Variants in GFI1B observed in about 807,000 individuals in gnomAD.
The protein encoded by GFI1B is zinc finger protein Gfi-1b.
In GFI1B, 20 loss-of-function variants were observed where a neutral mutation model predicts 35.3. The ratio of observed to expected loss-of-function variants is 0.57; its 90% confidence interval spans 0.40 to 0.82. GFI1B has a LOEUF of 0.82. Ranked by LOEUF, GFI1B falls within the 40% of genes least tolerant of loss-of-function variation. The pLI is 0.00. For synonymous variants in GFI1B, 178 were observed against 177.6 expected, an observed-to-expected ratio of 1.00 and a Z score of -0.02; for missense variants, 430 against 446.3, an observed-to-expected ratio of 0.96 and a Z score of 0.33.
upstream of GFI1B, among the ~76,000 whole-genome samples, chr9:132,973,796 T>C (rs1378863456): frequency 1.3e-5 from 2 of 152,310 alleles, no homozygotes; most frequent in East Asian, 3.9e-4. Flanking sequence ...TCTGGCCTTA[T>C]TCTGTTTAAT....
chr9:132,947,829 A>C (rs1011201798), intron 1 of GFI1B, among the ~76,000 whole-genome samples: 15 of 150,148 alleles, frequency 1.0e-4, no homozygotes, highest in Admixed American at 6.6e-4. Context: ...AAAAAAAAAA[A>C]ACTAAACTAA....
At chr9:132,982,747 C>T (rs1008273090) in intron 1 of GFI1B, among the ~76,000 whole-genome samples, 35 of 151,928 alleles carry the variant, frequency 2.3e-4, no homozygotes, top group African/African-American at 7.0e-4. Context: ...GGAAGTTCAC[C>T]GGGTGCATTT....
chr9:132,986,920 T>A, intron 2 of GFI1B, 142 bp downstream of exon 2: 1 of 664,364 alleles, frequency 1.5e-6, no homozygotes, highest in South Asian at 1.7e-5. Context: ...GGGTTGCAGA[T>A]GAAAGGAGTA....
At chr9:132,967,354 G>T (rs1223854150) in intron 1 of GFI1B, among the ~76,000 whole-genome samples, 1 of 152,194 alleles carries the variant, frequency 6.6e-6, no homozygotes, top group Non-Finnish European at 1.5e-5. Flanking sequence ...ATGGCACCAT[G>T]ACAAAACAAT....
chr9:132,982,049 G>A (rs907001119), intron 1 of GFI1B, among the ~76,000 whole-genome samples: 6 of 152,130 alleles, frequency 3.9e-5, no homozygotes, highest in African/African-American at 9.7e-5. Context: ...CACCACGCCC[G>A]GCCTCCCTTG....
chr9:132,988,958 ACCCAGCC>A, intron 4 of GFI1B, 96 bp from the exon 5 acceptor site: 8 of 1,136,168 alleles, frequency 7.0e-6, no homozygotes, highest in African/African-American at 1.5e-5. Context: ...TACTCTGTGT[ACCCAGCC>A]TTGGCCAGAG....
intron 1 of GFI1B, chr9:132,947,337 C>A (rs1848129689): frequency 6.7e-6 from 1 of 148,610 alleles, no homozygotes; most frequent in Non-Finnish European, 1.5e-5. Flanking sequence ...CAGGCCTGGC[C>A]AATCTGAGAT....
chr9:132,989,920 C>A lies in GFI1B; in HGVS notation c.814+13C>A. 1 of 1,612,728 alleles carries A rather than the reference C, an allele frequency of 6.2e-7. No homozygotes were observed. Among genetic ancestry groups the A allele is most frequent in the East Asian group, 2.2e-5 (1 of 44,892 alleles). On this transcript the variant is annotated intron_variant, in intron 6 of 6. Coordinates refer to ENST00000372122, the MANE Select transcript of GFI1B (RefSeq NM_001377304.1). This position sits in a 1 kb window ranked among gnomAD's most constrained non-coding sequence, Gnocchi z 6.2. ...TACATCCACACAGGTGAGTGAGTCTCACCTGCCTGTGCCCCCTGGGCAGAG... is the reference window on the plus strand; with the variant it reads ...TACATCCACACAGGTGAGTGAGTCTAACCTGCCTGTGCCCCCTGGGCAGAG...
chr9:132,983,194 T>C (rs1054089113), intron 1 of GFI1B, among the ~76,000 whole-genome samples: 2 of 142,408 alleles, frequency 1.4e-5, no homozygotes, highest in African/African-American at 5.2e-5. Context: ...TCCCTCCTTT[T>C]TTTTTTTTTT....
At chr9:132,966,343 A>C (rs1163028967) in intron 1 of GFI1B, among the ~76,000 whole-genome samples, 1 of 152,034 alleles carries the variant, frequency 6.6e-6, no homozygotes, top group South Asian at 2.1e-4. Context: ...TAGGCAACAA[A>C]GTGAGATCCT....
chr9:132,948,482 G>A (rs999356527), intron 1 of GFI1B, among the ~76,000 whole-genome samples: 1 of 152,238 alleles, frequency 6.6e-6, no homozygotes, highest in Non-Finnish European at 1.5e-5. Context: ...CCTTCTGGAT[G>A]TGGTGGGATT....
chr9:132,949,226 T>G lies in GFI1B; in HGVS notation c.-701+3557T>G, dbSNP rs549869932. Among the ~76,000 whole-genome samples the G allele has an allele frequency of 2.6e-5, 4 of 150,966 alleles. No homozygotes were observed. The South Asian group carries it at 8.4e-4, about 32-fold the overall frequency. ...CAGCCCCTTCTTAGAGAATCTATCT[T>G]CAGCCCAGGCTACTCACTGTGAATC... On this transcript the variant is annotated intron_variant, in intron 1 of 10. Coordinates refer to the GFI1B transcript ENST00000339463.
chr9:132,970,442 C>A (rs756568167), intron 1 of GFI1B, among the ~76,000 whole-genome samples: 3 of 152,026 alleles, frequency 2.0e-5, no homozygotes, highest in Non-Finnish European at 4.4e-5. Context: ...CGCACGCATG[C>A]ACGCACGCAC....
intron 1 of GFI1B, among the ~76,000 whole-genome samples, chr9:132,984,449 C>T (rs750070597): frequency 1.3e-5 from 2 of 152,150 alleles, no homozygotes; most frequent in Non-Finnish European, 2.9e-5. Flanking sequence ...GGAAGGGACC[C>T]CAGAGGCCTT....
chr9:132,962,512 T>C (rs1848382819), intron 1 of GFI1B: 1 of 508,642 alleles, frequency 2.0e-6, no homozygotes, highest in African/African-American at 2.0e-5. Context: ...CTTCTCGCCA[T>C]GTCTTCTCAC....
chr9:132,962,511 A>G, intron 1 of GFI1B: 1 of 507,368 alleles, frequency 2.0e-6, no homozygotes, highest in East Asian at 5.8e-5. Context: ...GCTTCTCGCC[A>G]TGTCTTCTCA....
At chr9:132,951,904 A>T (rs1848208930) in intron 1 of GFI1B, 2 of 151,754 alleles carry the variant, frequency 1.3e-5, no homozygotes, top group Non-Finnish European at 2.9e-5. Context: ...AGTAGCTGGG[A>T]CTCCAGGCAC....
chr9:132,962,754 G>A (rs1848386465), intron 1 of GFI1B: 2 of 363,224 alleles, frequency 5.5e-6, no homozygotes, highest in Non-Finnish European at 1.1e-5. Flanking sequence ...ACCATATCTG[G>A]ACAGTTTGAC....
rs746486142 is a variant in GFI1B at position 132,988,258 on chromosome 9, A to T, written c.300A>T (p.Pro100=). The T allele has an allele frequency of 6.2e-7, 1 of 1,613,804 alleles. No homozygotes were observed. The highest frequency in any genetic ancestry group is 8.5e-7 in the Non-Finnish European group (1 of 1,179,890). ...DGDSPLSDSP[P]FYKPSFSWDT... ...ACTCTCCACTGTCCGACTCACCCCCATTCTACAAGCCTAGCTTCTCCTGGG... is the reference window on the plus strand; with the variant it reads ...ACTCTCCACTGTCCGACTCACCCCCTTTCTACAAGCCTAGCTTCTCCTGGG... The change falls in exon 4 of 7, where the codon CCA becomes CCT. Residue 100 remains proline, a synonymous_variant. Transcript: ENST00000372122.
Sources: allele counts gnomAD v4.1 joint callset (sites outside exome capture counted in the v4.1 genomes callset), GRCh38; gene constraint gnomAD v4.1.1; non-coding constraint Gnocchi (gnomAD v3.1); transcripts MANE v1.5; gene names NCBI Gene and HGNC (gene_info 2026-07-23, HGNC 2026-07-21).